Variants in C8orf74 observed in about 807,000 individuals in gnomAD.
C8orf74 encodes uncharacterized protein C8orf74.
C8orf74 carries 29 observed loss-of-function variants against 22.2 expected under a neutral mutation model. The ratio of observed to expected loss-of-function variants is 1.31; its 90% CI spans 0.97 to 1.78. The LOEUF (loss-of-function observed/expected upper bound fraction) is 1.78. Among genes scored for constraint, C8orf74 ranks in the 40% most tolerant of loss-of-function variants. C8orf74 has a pLI of 0.00. For missense variants in C8orf74, 515 were observed against 369.9 expected, an observed-to-expected ratio of 1.39 and a Z score of -3.22; for synonymous variants, 255 against 163.1, an observed-to-expected ratio of 1.56 and a Z score of -4.30.
Position 10,691,052 on chromosome 8 carries a change from G to A in C8orf74, c.242-6547G>A, listed in dbSNP as rs957229330. On this transcript the variant is annotated intron_variant, in intron 2 of 3. Transcript: ENST00000304519. ...TGAGTCACCAGGAACTTCTCAACCC[G>A]AGGCCCAGGGAGTGTGGTCCGAGGC... 2.4e-5 allele frequency: 10 copies of A among 409,050 alleles called. No individual in the cohort carries two copies. In the East Asian group the frequency reaches 2.9e-4, roughly 12 times the overall value. 25.3% of individuals were successfully genotyped at this position (409,050 alleles called of 1,614,324 possible).
chr8:10,674,631 T>C lies in C8orf74; in HGVS notation c.49-15T>C. ...CCCACATCATACCCTGCAGTTCCCA[T>C]GTCATTCCCTGCAGAGACCACAAGG... is the stretch of plus-strand genomic sequence containing the variant. On this transcript the variant is annotated splice_polypyrimidine_tract_variant and intron_variant, in intron 1 of 3. Coordinates refer to ENST00000304519, the MANE Select transcript of C8orf74 (RefSeq NM_001040032.2). 1.1e-5 allele frequency: 17 copies of C among 1,559,108 alleles called. No individual in the cohort carries two copies. Among genetic ancestry groups the C allele is most frequent in the Non-Finnish European group, 1.5e-5 (17 of 1,147,866 alleles).
intron 2 of C8orf74, among the ~76,000 whole-genome samples, chr8:10,690,508 C>T (rs1039552208): frequency 2.2e-4 from 33 of 152,160 alleles, no homozygotes; most frequent in Admixed American, 2.2e-3. Context: ...CCCTGGTAGG[C>T]GCTCAGGTAT....
rs976884104 is a variant in C8orf74 at position 10,693,661 on chromosome 8, G to C, written c.242-3938G>C. 6.6e-5 allele frequency among the ~76,000 whole-genome samples: 10 copies of C among 152,184 alleles called. No individual in the cohort carries two copies. In the East Asian group the frequency reaches 1.7e-3, roughly 26 times the overall value. ...AAGACTGGAAGCTGTCTGAGGGCAG[G>C]GGTCATGTCAGACGTCAGCGTCTCA... On this transcript the variant is annotated intron_variant, in intron 2 of 3. Transcript: ENST00000304519.
chr8:10,697,884 C>A lies in C8orf74; in HGVS notation c.527C>A (p.Ala176Glu), dbSNP rs866584756. Residue 176 changes from alanine (A) to glutamate (E), a missense_variant, in exon 3 of 4, where the codon GCA becomes GAA. Ala to Glu is a moderately radical substitution (Grantham distance 107, BLOSUM62 -1). Coordinates refer to ENST00000304519, the MANE Select transcript of C8orf74 (RefSeq NM_001040032.2). ...GTGGCCACACTGACGGAGGCCGAGG[C>A]ACAGAAGCGCGCCGACGTGCTGCTC... The part of the protein sequence containing the change: ...QQVATLTEAE[A>E]QKRADVLLLK... 1 of 1,611,902 alleles carries A rather than the reference C, an allele frequency of 6.2e-7. No individual in the cohort carries two copies. Among genetic ancestry groups the A allele is most frequent in the Non-Finnish European group, 8.5e-7 (1 of 1,178,836 alleles).
At chr8:10,681,327 C>G in intron 2 of C8orf74, among the ~76,000 whole-genome samples, 1 of 152,178 alleles carries the variant, frequency 6.6e-6, no homozygotes, top group East Asian at 1.9e-4. Context: ...TCACATCCAG[C>G]CATCTCCCCC....
intron 2 of C8orf74, 132 bp downstream of exon 2, chr8:10,674,970 G>A (rs986407756): frequency 5.5e-5 from 38 of 686,670 alleles, no homozygotes; most frequent in Admixed American, 4.5e-4. Flanking sequence ...CCCTGGCATT[G>A]GGCCTCCTCA....
intron 2 of C8orf74, among the ~76,000 whole-genome samples, chr8:10,687,808 C>G (rs1799292680): frequency 6.6e-6 from 1 of 152,110 alleles, no homozygotes; most frequent in African/African-American, 2.4e-5. Flanking sequence ...TTAATTATAG[C>G]ATACACAGAG....
intron 1 of C8orf74, among the ~76,000 whole-genome samples, chr8:10,674,157 C>A (rs1468377095): frequency 1.4e-5 from 2 of 145,450 alleles, no homozygotes; most frequent in Admixed American, 6.9e-5. Context: ...CACATCACAC[C>A]CTGCAGCCCC....
intron 2 of C8orf74, among the ~76,000 whole-genome samples, chr8:10,679,002 C>T (rs965574436): frequency 4.6e-5 from 7 of 152,198 alleles, no homozygotes; most frequent in Admixed American, 2.0e-4. Flanking sequence ...ACCTCCTTCC[C>T]GGGTTCTCCT....
At chr8:10,672,808 G>A (rs1249746977) in intron 1 of C8orf74, 95 bp downstream of exon 1, 13 of 1,126,336 alleles carry the variant, frequency 1.2e-5, no homozygotes, top group South Asian at 1.1e-4. Context: ...AGGAGACCCC[G>A]GGGCAGCCAC....
chr8:10,673,176 TGG>T (rs1437386631), intron 1 of C8orf74, among the ~76,000 whole-genome samples: 1 of 152,104 alleles, frequency 6.6e-6, no homozygotes, highest in Non-Finnish European at 1.5e-5. Flanking sequence ...CAGGGTCCCT[TGG>T]GGTCCTCCCA....
At position 10,672,680 on chromosome 8, in the gene C8orf74, A is replaced by G; in HGVS notation, c.15A>G (p.Thr5=). Residue 5 remains threonine (T), a synonymous_variant, in exon 1 of 4, where the codon ACA becomes ACG. Coordinates refer to ENST00000304519, the MANE Select transcript of C8orf74 (RefSeq NM_001040032.2). Reference sequence around the variant, plus strand: ...ATGCAGGGGCCATGGCACTCTTAACACCCCAGGGAGTGAAAGAAGTCTTCC... The same window carrying G: ...ATGCAGGGGCCATGGCACTCTTAACGCCCCAGGGAGTGAAAGAAGTCTTCC... MALL[T]PQGVKEVFQL... The G allele has an allele frequency of 7.0e-6, 11 of 1,565,946 alleles. No homozygotes were observed. The highest frequency in any genetic ancestry group is 8.7e-6 in the Non-Finnish European group (10 of 1,154,934).
At chr8:10,688,128 G>A (rs553690671) in intron 2 of C8orf74, among the ~76,000 whole-genome samples, 9 of 151,098 alleles carry the variant, frequency 6.0e-5, no homozygotes, top group Admixed American at 5.3e-4. Flanking sequence ...TCACTTGAAC[G>A]TGGGAGGTGG....
intron 2 of C8orf74, among the ~76,000 whole-genome samples, chr8:10,695,549 C>A (rs967324168): frequency 6.6e-6 from 1 of 152,190 alleles, no homozygotes; most frequent in Non-Finnish European, 1.5e-5. Context: ...TTCCCAAGAC[C>A]ATGATGTCTC....
intron 2 of C8orf74, among the ~76,000 whole-genome samples, chr8:10,679,084 A>G (rs1436379277): frequency 6.6e-6 from 1 of 151,902 alleles, no homozygotes; most frequent in Non-Finnish European, 1.5e-5. Flanking sequence ...CGGTTTTGCC[A>G]TTTCCTAGCT....
intron 2 of C8orf74, chr8:10,690,851 G>C (rs1435351158): frequency 2.2e-6 from 1 of 453,492 alleles, no homozygotes; most frequent in Non-Finnish European, 4.4e-6. Context: ...TCCTCCACTC[G>C]TGCTGCATAT....
Position 10,698,001 on chromosome 8 carries a change from G to C in C8orf74, c.644G>C (p.Arg215Thr). 5 of 1,478,618 alleles carry C rather than the reference G, an allele frequency of 3.4e-6. No homozygotes were observed. Among genetic ancestry groups the C allele is most frequent in the Non-Finnish European group, 4.5e-6 (5 of 1,117,514 alleles). 91.6% of individuals were successfully genotyped at this position (1,478,618 alleles called of 1,614,324 possible). Residue 215 changes from arginine (R) to threonine (T), a missense_variant, in exon 3 of 4, where the codon AGA becomes ACA. Coordinates refer to ENST00000304519, the MANE Select transcript of C8orf74 (RefSeq NM_001040032.2). ...GCGCAGCCCGGCCAGGTCCTGGAGA[G>C]ACAGGTGAGGCTCTGCCCCCCTGCC... ...APAQPGQVLE[R>T]QELESLICQA...
chr8:10,690,637 G>A (rs1255393794), intron 2 of C8orf74, among the ~76,000 whole-genome samples: 1 of 152,248 alleles, frequency 6.6e-6, no homozygotes, highest in Admixed American at 6.5e-5. Flanking sequence ...GGCACACCCA[G>A]AAGGAGCAGC....
intron 3 of C8orf74, 132 bp downstream of exon 3, chr8:10,698,137 A>G: frequency 1.1e-6 from 1 of 907,414 alleles, no homozygotes; most frequent in Non-Finnish European, 1.6e-6. Flanking sequence ...AGGAATCAAG[A>G]GTCTACCACG....
Sources: gnomAD v4.1 joint callset for allele counts (sites outside exome capture counted in the v4.1 genomes callset) on GRCh38, gnomAD v4.1.1 for gene constraint, MANE v1.5 for transcripts, NCBI Gene and HGNC (gene_info 2026-07-23, HGNC 2026-07-21) for gene names.